The following DNAJC13 variants were observed in gnomAD, a reference collection of about 807,000 sequenced individuals.
DNAJC13 encodes DnaJ heat shock protein family (Hsp40) member C13.
A neutral mutation model predicts 290.5 loss-of-function variants in DNAJC13; 75 were observed. The observed-to-expected ratio is 0.26, with a 90% CI of 0.21 to 0.31. DNAJC13 has a LOEUF of 0.31. DNAJC13 is among the 10% of genes least tolerant of loss of function. DNAJC13 has a pLI of 1.00. For synonymous variants in DNAJC13, 862 were observed against 892.0 expected (o/e 0.97, Z 0.60); for missense variants, 2,260 against 2,674.5 (o/e 0.85, Z 3.42).
intron 6 of DNAJC13, among the ~76,000 whole-genome samples, chr3:132,452,472 G>A (rs780128329): frequency 6.6e-6 from 1 of 152,164 alleles, no homozygotes; most frequent in Non-Finnish European, 1.5e-5. Flanking sequence ...ACATTCTGAG[G>A]AGGACAATTC....
At position 132,475,002 on chromosome 3, in the gene DNAJC13, C is replaced by G. The variant is rs779730514; in HGVS notation, c.2362C>G (p.Leu788Val). 44 of 1,612,106 alleles carry G rather than the reference C, an allele frequency of 2.7e-5. No homozygotes were observed. The Middle Eastern group carries it at 5.0e-4, about 18-fold the overall frequency. The change falls in exon 22 of 56, where the codon CTT becomes GTT. Residue 788 changes from leucine (L) to valine (V), a missense_variant. Coordinates refer to ENST00000260818, the MANE Select transcript of DNAJC13 (RefSeq NM_015268.4). ...AACACGAGAAGAACTGAAAGATACTCTTGAATCTGAAATGAGAGCATTTAA... is the reference window on the plus strand; with the variant it reads ...AACACGAGAAGAACTGAAAGATACTGTTGAATCTGAAATGAGAGCATTTAA... Reference protein sequence around the residue: ...FKTREELKDTLESEMRAFNID... With the variant: ...FKTREELKDTVESEMRAFNID...
At chr3:132,449,046 G>T (rs961203526) in intron 5 of DNAJC13, among the ~76,000 whole-genome samples, 4 of 152,064 alleles carry the variant, frequency 2.6e-5, no homozygotes, top group Non-Finnish European at 5.9e-5. Flanking sequence ...TCAAAATCTT[G>T]TGGTAGAAAC....
At chr3:132,435,169 A>G (rs748644172) in intron 2 of DNAJC13, among the ~76,000 whole-genome samples, 5 of 152,172 alleles carry the variant, frequency 3.3e-5, no homozygotes, top group Non-Finnish European at 5.9e-5. Flanking sequence ...GATGGTTGGT[A>G]ATTCCTACCC....
chr3:132,494,293 T>C (rs766779865), intron 34 of DNAJC13, 34 bp downstream of exon 34: 1 of 1,481,164 alleles, frequency 6.8e-7, no homozygotes, highest in Non-Finnish European at 9.4e-7. Context: ...CAAATGTCTG[T>C]CCCACCTTAA....
Position 132,500,343 on chromosome 3 carries a change from T to G in DNAJC13, c.4417-451T>G, listed in dbSNP as rs186772811. On this transcript the variant is annotated intron_variant, in intron 38 of 55. Transcript: ENST00000260818. The stretch of plus-strand genomic sequence containing the variant: ...GTTCCATCCTCTATTTTGAAGTCCG[T>G]TGTGTAAACAGAATTGTGATATTCT... Among the ~76,000 whole-genome samples, 5 of 152,306 alleles carry G rather than the reference T, an allele frequency of 3.3e-5. No individual in the cohort carries two copies. In the East Asian group the frequency reaches 9.6e-4, roughly 29 times the overall value.
At chr3:132,514,885 AAACCAAAGG>A in intron 46 of DNAJC13, 1 of 400,046 alleles carries the variant, frequency 2.5e-6, no homozygotes, top group Non-Finnish European at 4.5e-6. Flanking sequence ...GAGAGGTCCA[AAACCAAAGG>A]AAAATAACCT....
At chr3:132,427,240 G>A (rs1939123464) in intron 1 of DNAJC13, among the ~76,000 whole-genome samples, 1 of 151,232 alleles carries the variant, frequency 6.6e-6, no homozygotes, top group East Asian at 1.9e-4. Flanking sequence ...GGCTCAAGTG[G>A]TCCTCTGACC....
chr3:132,526,081 A>G, intron 52 of DNAJC13, 60 bp from the exon 53 acceptor site: 1 of 1,583,010 alleles, frequency 6.3e-7, no homozygotes, highest in Non-Finnish European at 8.6e-7. Flanking sequence ...TTGTTATGGT[A>G]TTTACTATGT....
At chr3:132,473,277 G>A in intron 21 of DNAJC13, 50 bp downstream of exon 21, 1 of 1,280,724 alleles carries the variant, frequency 7.8e-7, no homozygotes, top group Non-Finnish European at 1.1e-6. Flanking sequence ...GTATTGCCAT[G>A]AGAGGCATCA....
rs371937606 is a variant in DNAJC13 at position 132,463,776 on chromosome 3, G to A, written c.1851G>A (p.Ala617=). The A allele has an allele frequency of 1.7e-5, 27 of 1,613,306 alleles. No individual in the cohort carries two copies. In the Middle Eastern group the frequency reaches 8.3e-4, roughly 49 times the overall value. ...EGALPRHLHT[A]MFTISSDQRM... ...CCTTACCTCGACACTTGCATACTGCGATGTTTACAATAAGCTCAGATCAAA... is the reference window on the plus strand; with the variant it reads ...CCTTACCTCGACACTTGCATACTGCAATGTTTACAATAAGCTCAGATCAAA... Residue 617 remains alanine, a synonymous_variant, in exon 17 of 56, where the codon GCG becomes GCA. Transcript: ENST00000260818.
chr3:132,536,227 A>G (rs928690622), intron 55 of DNAJC13, among the ~76,000 whole-genome samples: 1 of 152,228 alleles, frequency 6.6e-6, no homozygotes, highest in Non-Finnish European at 1.5e-5. Context: ...CCCAGCAGTT[A>G]GCTGGATGAT....
intron 2 of DNAJC13, 73 bp downstream of exon 2, chr3:132,434,691 T>C (rs1485587841): frequency 1.1e-5 from 14 of 1,274,746 alleles, no homozygotes; most frequent in Non-Finnish European, 1.3e-5. Flanking sequence ...TTTCATAATC[T>C]TGAATAATAC....
chr3:132,512,904 C>G, intron 44 of DNAJC13, 104 bp from the exon 45 acceptor site: 2 of 932,874 alleles, frequency 2.1e-6, no homozygotes, highest in Non-Finnish European at 3.4e-6. Context: ...AACCAGTTAT[C>G]AGAGACTTAA....
intron 1 of DNAJC13, among the ~76,000 whole-genome samples, chr3:132,420,467 C>T (rs944445216): frequency 6.6e-6 from 1 of 152,142 alleles, no homozygotes; most frequent in Non-Finnish European, 1.5e-5. Context: ...GAGTGGTCAA[C>T]AGAACCGAGA....
chr3:132,500,683 A>G (rs1400015550), intron 38 of DNAJC13, 111 bp from the exon 39 acceptor site: 3 of 1,398,192 alleles, frequency 2.1e-6, no homozygotes, highest in Admixed American at 3.8e-5. Context: ...GGAACATTGT[A>G]TATACCATTA....
intron 21 of DNAJC13, among the ~76,000 whole-genome samples, chr3:132,473,954 C>G (rs980044065): frequency 6.6e-6 from 1 of 152,132 alleles, no homozygotes; most frequent in East Asian, 1.9e-4. Flanking sequence ...ATGAGACTTT[C>G]TAGGAGGATT....
In DNAJC13 at chr3:132,460,339, G is replaced by A. The variant is rs1933748577; in HGVS notation, c.1539G>A (p.Glu513=). ...AGAAGTTTCTGGAAAACTTACTGGA[G>A]AAATTTAATTCCCATGTGGTAAGTT... is the stretch of plus-strand genomic sequence containing the variant. ...SSKKFLENLL[E]KFNSHVDHGT... is the part of the protein sequence containing the mutation. Residue 513 remains glutamate, a synonymous_variant, in exon 14 of 56, where the codon GAG becomes GAA. Coordinates refer to ENST00000260818, the MANE Select transcript of DNAJC13 (RefSeq NM_015268.4). 6.2e-7 allele frequency: 1 copy of A among 1,606,160 alleles called. No homozygotes were observed. The highest frequency in any genetic ancestry group is 2.2e-5 in the East Asian group (1 of 44,772).
chr3:132,480,366 C>A lies in DNAJC13; in HGVS notation c.2773-3C>A. 1 of 1,607,334 alleles carries A rather than the reference C, an allele frequency of 6.2e-7. No individual in the cohort carries two copies. ...TTACGAAAAAAATGTTTTCCTCTTC[C>A]AGAAAAATGTTAAGGATCTCATGGA... On this transcript the variant is annotated splice_polypyrimidine_tract_variant and splice_region_variant and intron_variant, in intron 25 of 55. Coordinates refer to ENST00000260818, the MANE Select transcript of DNAJC13 (RefSeq NM_015268.4).
chr3:132,500,913 G>C lies in DNAJC13; in HGVS notation c.4536G>C (p.Lys1512Asn). The change falls in exon 39 of 56, where the codon AAG becomes AAC. Residue 1512 changes from lysine (K) to asparagine (N), a missense_variant and splice_region_variant. Physicochemically the swap from Lys to Asn is moderately conservative, Grantham distance 94. Transcript: ENST00000260818. ...KDLCRVLYFGKSIPRVAALGV... is the reference protein window; with the variant it reads ...KDLCRVLYFGNSIPRVAALGV... ...TCTGTCGGGTACTATATTTTGGCAA[G>C]GTAGGGTTAATCTTTAATGCTTTCT... The C allele has an allele frequency of 6.2e-7, 1 of 1,613,630 alleles. No homozygotes were observed. The highest frequency in any genetic ancestry group is 8.5e-7 in the Non-Finnish European group (1 of 1,179,720).
Sources: gnomAD v4.1 joint callset for allele counts (sites outside exome capture counted in the v4.1 genomes callset) on GRCh38, gnomAD v4.1.1 for gene constraint, MANE v1.5 for transcripts, NCBI Gene and HGNC (gene_info 2026-07-23, HGNC 2026-07-21) for gene names.